Variants in GRN observed in about 807,000 individuals in gnomAD.
The protein encoded by GRN is granulin precursor, also known as progranulin.
Under a neutral mutation model 66.7 loss-of-function variants are expected in GRN, and 30 were observed. That is an observed-to-expected ratio of 0.45 (90% CI 0.34 to 0.61). The LOEUF (loss-of-function observed/expected upper bound fraction) is 0.61, where lower values mean the gene tolerates loss of function less well. Among genes scored for constraint, GRN ranks in the 20% least tolerant of loss-of-function variants. GRN has a pLI of 0.01. For missense variants in GRN, 731 were observed against 803.5 expected (o/e 0.91, Z 1.09); for synonymous variants, 327 against 311.1 (o/e 1.05, Z -0.54).
chr17:44,347,586 A>G (rs2048334997), intron 1 of GRN, among the ~76,000 whole-genome samples: 1 of 151,552 alleles, frequency 6.6e-6, no homozygotes. Context: ...CGCGCCCAAT[A>G]TATTTTGATC....
chr17:44,350,390 T>C lies in GRN; in HGVS notation c.462+50T>C, dbSNP rs755232447. 5.7e-6 allele frequency: 9 copies of C among 1,575,212 alleles called. No homozygotes were observed. The South Asian group carries it at 6.7e-5, about 12-fold the overall frequency. On this transcript the variant is annotated intron_variant, in intron 5 of 12. Transcript: ENST00000053867. ...TATGTGGAGGGAAGTGGGGGCAGAG[T>C]TGGGGGCCAGGGGCAGGGGGTGAAG...
chr17:44,350,384 G>C (rs767265917), intron 5 of GRN, 44 bp downstream of exon 5: 2 of 1,551,750 alleles, frequency 1.3e-6, no homozygotes, highest in South Asian at 2.2e-5. Flanking sequence ...GGAAGTGGGG[G>C]CAGAGTTGGG....
In GRN at chr17:44,352,142, T is replaced by C. The variant is rs1484116593; in HGVS notation, c.1307T>C (p.Leu436Ser). 2 of 1,613,686 alleles carry C rather than the reference T, an allele frequency of 1.2e-6. No homozygotes were observed. The highest frequency in any genetic ancestry group is 1.3e-5 in the African/African-American group (1 of 74,880). The part of the protein sequence containing the change: ...LEKMPARRAS[L>S]SHPRDIGCDQ... ...AAGATGCCTGCCCGCCGGGCTTCCT[T>C]ATCCCACCCCAGAGACATCGGCTGT... Residue 436 changes from leucine (L) to serine (S), a missense_variant, in exon 11 of 13, where the codon TTA (leucine) becomes TCA (serine). Leu to Ser is a moderately radical substitution (Grantham distance 145, BLOSUM62 -2). Coordinates refer to ENST00000053867, the MANE Select transcript of GRN (RefSeq NM_002087.4).
At position 44,352,095 on chromosome 17, in the gene GRN, C is replaced by A; in HGVS notation, c.1260C>A (p.Ser420Arg). ...CVAEGQCQRG[S>R]EIVAGLEKMP... The stretch of plus-strand genomic sequence containing the variant: ...CTGAGGGGCAGTGTCAGCGAGGAAG[C>A]GAGATCGTGGCTGGACTGGAGAAGA... Residue 420 changes from serine to arginine, a missense_variant, in exon 11 of 13, where the codon AGC (serine) becomes AGA (arginine). By Grantham distance (110) the Ser-to-Arg change is moderately radical (BLOSUM62 -1). This residue lies in a region of GRN where 319 missense variants were observed against 347.2 expected (regional missense o/e 0.92). Coordinates refer to ENST00000053867, the MANE Select transcript of GRN (RefSeq NM_002087.4). 1 of 1,613,786 alleles carries A rather than the reference C, an allele frequency of 6.2e-7. No homozygotes were observed. The highest frequency in any genetic ancestry group is 8.5e-7 in the Non-Finnish European group (1 of 1,179,912).
chr17:44,351,318 G>T (rs770167919), intron 8 of GRN, 45 bp from the exon 9 acceptor site: 9 of 1,543,460 alleles, frequency 5.8e-6, no homozygotes, highest in African/African-American at 1.4e-5. Flanking sequence ...ACCCCTGAGG[G>T]TCCCCAGTGC....
At chr17:44,347,802 AT>A (rs2048336404) in intron 1 of GRN, among the ~76,000 whole-genome samples, 1 of 151,634 alleles carries the variant, frequency 6.6e-6, no homozygotes, top group Non-Finnish European at 1.5e-5. Flanking sequence ...AAATACAAAA[AT>A]TAGCCAGGCG....
chr17:44,350,131 C>T, intron 4 of GRN, 97 bp from the exon 5 acceptor site: 1 of 870,878 alleles, frequency 1.1e-6, no homozygotes, highest in Non-Finnish European at 2.0e-6. Context: ...ACCCCAGTAG[C>T]TGGGCTTGCA....
At position 44,352,448 on chromosome 17, in the gene GRN, C is replaced by T. The variant is rs140070738; in HGVS notation, c.1521C>T (p.Phe507=). ...KEVVSAQPAT[F]LARSPHVGVK... Reference sequence around the variant, plus strand: ...TGGTCTCTGCCCAGCCTGCCACCTTCCTGGCCCGTAGCCCTCACGTGGGTG... The same window carrying T: ...TGGTCTCTGCCCAGCCTGCCACCTTTCTGGCCCGTAGCCCTCACGTGGGTG... The change falls in exon 12 of 13, where the codon TTC becomes TTT. Residue 507 remains phenylalanine (F), a synonymous_variant. Transcript: ENST00000053867. 2.1e-5 allele frequency: 34 copies of T among 1,614,014 alleles called. No homozygotes were observed. Among genetic ancestry groups the T allele is most frequent in the Non-Finnish European group, 2.8e-5 (33 of 1,180,002 alleles).
At position 44,349,726 on chromosome 17, in the gene GRN, C is replaced by CT; in HGVS notation, c.324_325insT (p.Gly109TrpfsTer10). The CT allele has an allele frequency of 6.2e-7, 1 of 1,610,388 alleles. No individual in the cohort carries two copies. Among genetic ancestry groups the CT allele is most frequent in the Non-Finnish European group, 8.5e-7 (1 of 1,176,790 alleles). On this transcript the variant is annotated frameshift_variant, in exon 4 of 13. Coordinates refer to ENST00000053867, the MANE Select transcript of GRN (RefSeq NM_002087.4). LOFTEE classifies it high-confidence loss of function. The stretch of plus-strand genomic sequence containing the variant: ...CACGGGGCTTCCACTGCAGTGCAGA[C>CT]GGGCGATCCTGCTTCCAAAGATCAG...
intron 4 of GRN, 102 bp downstream of exon 4, chr17:44,349,853 G>GCCCTCAT: frequency 1.3e-6 from 1 of 787,080 alleles, no homozygotes; most frequent in Non-Finnish European, 2.2e-6. Context: ...CTGCCCTTGT[G>GCCCTCAT]CCCTCATTCA....
rs1300147288 is a variant in GRN at position 44,352,585 on chromosome 17, C to T, written c.1644+14C>T. The T allele has an allele frequency of 1.2e-6, 2 of 1,612,612 alleles. No individual in the cohort carries two copies. Among genetic ancestry groups the T allele is most frequent in the South Asian group, 1.1e-5 (1 of 91,084 alleles). On this transcript the variant is annotated intron_variant, in intron 12 of 12. Transcript: ENST00000053867. ...CCCTACCGCCAGGTCAGTGCCAACC[C>T]CCATCCTGGGGCTGGGTATGGCCAG...
In GRN at chr17:44,351,073, C is replaced by G. The variant is rs1598364358; in HGVS notation, c.745C>G (p.Gln249Glu). 2 of 1,614,066 alleles carry G rather than the reference C, an allele frequency of 1.2e-6. No individual in the cohort carries two copies. Among genetic ancestry groups the G allele is most frequent in the Non-Finnish European group, 1.7e-6 (2 of 1,179,952 alleles). Residue 249 changes from glutamine (Q) to glutamate (E), a missense_variant, in exon 8 of 13, where the codon CAA becomes GAA. By Grantham distance (29) the Gln-to-Glu change is conservative. Around this residue, in one of 3 missense-constraint regions of GRN, gnomAD observed 370 missense variants for 379.8 expected, o/e 0.97. Transcript: ENST00000053867. ...CTCCGATCACCTGCACTGCTGCCCC[C>G]AAGACACTGTGTGTGACCTGATCCA... ...CCSDHLHCCP[Q>E]DTVCDLIQSK...
At chr17:44,350,887 G>C in intron 7 of GRN, 87 bp downstream of exon 7, 1 of 1,396,000 alleles carries the variant, frequency 7.2e-7, no homozygotes, top group Non-Finnish European at 1.0e-6. Context: ...GTGGCATGGG[G>C]CTGGCTGGCT....
At position 44,349,767 on chromosome 17, in the gene GRN, G is replaced by C. The variant is rs901525268; in HGVS notation, c.349+16G>C. 1.9e-6 allele frequency: 3 copies of C among 1,556,718 alleles called. No individual in the cohort carries two copies. The highest frequency in any genetic ancestry group is 2.7e-6 in the Non-Finnish European group (3 of 1,128,250). ...CAAAGATCAGGTGCAGCTGGGGTGTGGGTGCAGGGCAGGCAGACGGGCAGC... is the reference window on the plus strand; with the variant it reads ...CAAAGATCAGGTGCAGCTGGGGTGTCGGTGCAGGGCAGGCAGACGGGCAGC... On this transcript the variant is annotated intron_variant, in intron 4 of 12. Coordinates refer to ENST00000053867, the MANE Select transcript of GRN (RefSeq NM_002087.4).
At chr17:44,349,353 G>A (rs932873178) in intron 2 of GRN, 51 bp downstream of exon 2, 2 of 1,614,104 alleles carry the variant, frequency 1.2e-6, no homozygotes, top group South Asian at 1.1e-5. Context: ...TTTTCCCAAA[G>A]GGTCATCTTG....
At position 44,350,453 on chromosome 17, in the gene GRN, T is replaced by G; in HGVS notation, c.474T>G (p.Cys158Trp). The G allele has an allele frequency of 6.2e-7, 1 of 1,613,954 alleles. No homozygotes were observed. The highest frequency in any genetic ancestry group is 8.5e-7 in the Non-Finnish European group (1 of 1,179,978). ...GCCPMPQASCCEDRVHCCPHG... is the reference protein window; with the variant it reads ...GCCPMPQASCWEDRVHCCPHG... ...CCATTTTTTCTCAGGCTTCCTGCTG[T>G]GAAGACAGGGTGCACTGCTGTCCGC... The change falls in exon 6 of 13, where the codon TGT (cysteine) becomes TGG (tryptophan). Residue 158 changes from cysteine to tryptophan, a missense_variant. Physicochemically the swap from Cys to Trp is radical, Grantham distance 215. Coordinates refer to ENST00000053867, the MANE Select transcript of GRN (RefSeq NM_002087.4).
chr17:44,353,050 AG>A lies in GRN; in HGVS notation c.*256del, dbSNP rs2048394784. 1 of 594,294 alleles carries A rather than the reference AG, an allele frequency of 1.7e-6. No homozygotes were observed. The highest frequency in any genetic ancestry group is 1.9e-5 in the African/African-American group (1 of 53,818). The allele number at this position is 594,294 out of a possible 1,614,324, so 36.8% of individuals were successfully genotyped here. A position where few individuals can be genotyped will look rare whatever the true frequency, so the allele number is the denominator to read the frequency against. On this transcript the variant is annotated 3_prime_UTR_variant, in exon 13 of 13. Coordinates refer to ENST00000053867, the MANE Select transcript of GRN (RefSeq NM_002087.4). ...TGGCCAGGTGCTTTTCCCTATCCAC[AG>A]GGGTGTTTGTGTGTGTGCGCGTGTG...
At chr17:44,348,671 A>G (rs1333911520) in intron 1 of GRN, among the ~76,000 whole-genome samples, 1 of 152,210 alleles carries the variant, frequency 6.6e-6, no homozygotes, top group Admixed American at 6.5e-5. Context: ...AGCGGGGTGC[A>G]GGTATGAACA....
Position 44,352,889 on chromosome 17 carries a change from T to C in GRN, c.*91T>C. The C allele has an allele frequency of 4.8e-6, 6 of 1,255,670 alleles. No individual in the cohort carries two copies. The highest frequency in any genetic ancestry group is 6.8e-6 in the Non-Finnish European group (6 of 881,792). 77.8% of individuals were successfully genotyped at this position (1,255,670 alleles called of 1,614,324 possible). ...CCCTAGCACCTCCCCCTAACCAAAT[T>C]CTCCCTGGACCCCATTCTGAGCTCC... On this transcript the variant is annotated 3_prime_UTR_variant, in exon 13 of 13. Coordinates refer to ENST00000053867, the MANE Select transcript of GRN (RefSeq NM_002087.4).
Sources: allele counts gnomAD v4.1 joint callset (sites outside exome capture counted in the v4.1 genomes callset), GRCh38; gene constraint gnomAD v4.1.1; regional missense constraint gnomAD v4.1.1; transcripts MANE v1.5; gene names NCBI Gene and HGNC (gene_info 2026-07-23, HGNC 2026-07-21).